NAB2: variants seen among roughly 807,000 people sequenced by gnomAD.
NAB2 encodes the protein NGFI-A-binding protein 2.
NAB2 carries 9 observed loss-of-function variants against 44.2 expected under a neutral mutation model. The observed-to-expected ratio is 0.20, with a 90% CI of 0.12 to 0.36. The LOEUF (loss-of-function observed/expected upper bound fraction) is 0.36. Among genes scored for constraint, NAB2 ranks in the 10% least tolerant of loss-of-function variants. NAB2 has a pLI of 1.00. For missense variants in NAB2, 514 were observed against 709.0 expected, an observed-to-expected ratio of 0.73 and a Z score of 3.12; for synonymous variants, 342 against 291.0, an observed-to-expected ratio of 1.18 and a Z score of -1.78.
At chr12:57,092,329 C>G in intron 2 of NAB2, 119 bp from the exon 3 acceptor site, 1 of 1,434,112 alleles carries the variant, frequency 7.0e-7, no homozygotes, top group African/African-American at 1.4e-5. Flanking sequence ...AGTGTCAAAA[C>G]CAAAGCAAGC....
intron 6 of NAB2, among the ~76,000 whole-genome samples, 167 bp downstream of exon 6, chr12:57,093,765 C>G (rs1186371089): frequency 1.3e-5 from 2 of 152,170 alleles, no homozygotes; most frequent in East Asian, 3.9e-4. Context: ...GAGAGGCAGA[C>G]CCTGCCGAGC....
Position 57,091,637 on chromosome 12 carries a change from G to T in NAB2, c.596G>T (p.Gly199Val). ...CCAGAGTCGGACGTTGGGGCAGGAG[G>T]AGAAGAGGAGGCTGGCTCGCCCCCC... ...STPESDVGAG[G>V]EEEAGSPPFS... The change falls in exon 2 of 7, where the codon GGA (glycine) becomes GTA (valine). Residue 199 changes from glycine to valine, a missense_variant. By Grantham distance (109) the Gly-to-Val change is moderately radical. This residue lies in a region of NAB2 where 177 missense variants were observed against 200.5 expected (regional missense o/e 0.88). Coordinates refer to ENST00000300131, the MANE Select transcript of NAB2 (RefSeq NM_005967.4). This position sits in a 1 kb window ranked among gnomAD's most constrained non-coding sequence, Gnocchi z 7.3. The T allele has an allele frequency of 6.2e-7, 1 of 1,607,086 alleles. No homozygotes were observed. The highest frequency in any genetic ancestry group is 8.5e-7 in the Non-Finnish European group (1 of 1,175,926).
intron 1 of NAB2, among the ~76,000 whole-genome samples, chr12:57,089,797 G>A (rs2033142398): frequency 6.6e-6 from 1 of 152,176 alleles, no homozygotes; most frequent in African/African-American, 2.4e-5. Flanking sequence ...GACGAGGGAG[G>A]CAGGGAGGCC....
chr12:57,093,218 T>C (rs376409922), intron 5 of NAB2, 23 bp downstream of exon 5: 164 of 1,571,768 alleles, frequency 1.0e-4, no homozygotes, highest in Non-Finnish European at 1.3e-4. Flanking sequence ...CAGAACACTT[T>C]TCTCTTCATT....
rs1371106131 is a variant in NAB2, at chr12:57,091,673, C to A, written c.632C>A (p.Pro211His). The change falls in exon 2 of 7, where the codon CCT (proline) becomes CAT (histidine). Residue 211 changes from proline to histidine, a missense_variant. Physicochemically the swap from Pro to His is moderately conservative, Grantham distance 77. This residue lies in a region of NAB2 where 177 missense variants were observed against 200.5 expected (regional missense o/e 0.88). Transcript: ENST00000300131. This position sits in a 1 kb window ranked among gnomAD's most constrained non-coding sequence, Gnocchi z 7.3. Reference protein sequence around the residue: ...EEAGSPPFSPPAGGGVPEGTG... With the variant: ...EEAGSPPFSPHAGGGVPEGTG... Reference sequence around the variant, plus strand: ...GCTGGCTCGCCCCCCTTCTCCCCCCCTGCAGGGGGAGGAGTCCCTGAGGGG... The same window carrying A: ...GCTGGCTCGCCCCCCTTCTCCCCCCATGCAGGGGGAGGAGTCCCTGAGGGG... 1.2e-6 allele frequency: 2 copies of A among 1,611,884 alleles called. No homozygotes were observed. Among genetic ancestry groups the A allele is most frequent in the Non-Finnish European group, 1.7e-6 (2 of 1,178,710 alleles).
chr12:57,091,125 G>C lies in NAB2; in HGVS notation c.84G>C (p.Lys28Asn). ...TCTCTCTTGTGCCCCTCCTTCTCAG[G>C]CCCAGTGCCCGAGCCATGGCACTGC... ...SARRTLQPRL[K>N]PSARAMALPR... Residue 28 changes from lysine to asparagine, a missense_variant and splice_region_variant, in exon 2 of 7, where the codon AAG becomes AAC. Around this residue, in one of 5 missense-constraint regions of NAB2, gnomAD observed 56 missense variants for 45.5 expected, o/e 1.23. Coordinates refer to ENST00000300131, the MANE Select transcript of NAB2 (RefSeq NM_005967.4). This position sits in a 1 kb window ranked among gnomAD's most constrained non-coding sequence, Gnocchi z 7.3. 1 of 1,512,562 alleles carries C rather than the reference G, an allele frequency of 6.6e-7. No individual in the cohort carries two copies. The highest frequency in any genetic ancestry group is 1.3e-5 in the South Asian group (1 of 75,104). The allele number at this position is 1,512,562 out of a possible 1,614,324, so 93.7% of individuals were successfully genotyped here. A position where few individuals can be genotyped will look rare whatever the true frequency, so the allele number is the denominator to read the frequency against.
intron 2 of NAB2, chr12:57,092,235 C>A: frequency 1.0e-6 from 1 of 1,002,102 alleles, no homozygotes; most frequent in South Asian, 1.7e-5. Context: ...ACTCAGGACC[C>A]CACAGGAGAG....
chr12:57,095,065 A>G lies in NAB2; in HGVS notation c.*344A>G, dbSNP rs956441344. On this transcript the variant is annotated 3_prime_UTR_variant, in exon 7 of 7. Coordinates refer to ENST00000300131, the MANE Select transcript of NAB2 (RefSeq NM_005967.4). ...GTGTGAGCAGTTGGACTCAGTTTGG[A>G]CAAGGGGGAAAGGGGGACTTCCCTG... The G allele has an allele frequency of 1.3e-5, 3 of 231,030 alleles. No individual in the cohort carries two copies. Among genetic ancestry groups the G allele is most frequent in the Non-Finnish European group, 2.5e-5 (3 of 117,696 alleles). The allele number at this position is 231,030 out of a possible 1,614,324, so 14.3% of individuals were successfully genotyped here.
Position 57,091,625 on chromosome 12 carries a change from T to C in NAB2, c.584T>C (p.Val195Ala), listed in dbSNP as rs754533258. Residue 195 changes from valine to alanine, a missense_variant, in exon 2 of 7, where the codon GTT becomes GCT. Val to Ala is a moderately conservative substitution (Grantham distance 64, BLOSUM62 0). Coordinates refer to ENST00000300131, the MANE Select transcript of NAB2 (RefSeq NM_005967.4). This position sits in a 1 kb window ranked among gnomAD's most constrained non-coding sequence, Gnocchi z 7.3. Reference protein sequence around the residue: ...WPGRSTPESDVGAGGEEEAGS... With the variant: ...WPGRSTPESDAGAGGEEEAGS... ...GGCCGGAGCACTCCAGAGTCGGACG[T>C]TGGGGCAGGAGGAGAAGAGGAGGCT... 1 of 1,604,524 alleles carries C rather than the reference T, an allele frequency of 6.2e-7. No homozygotes were observed. The highest frequency in any genetic ancestry group is 8.5e-7 in the Non-Finnish European group (1 of 1,174,470).
In NAB2 at chr12:57,091,452, G is replaced by A. The variant is rs775958013; in HGVS notation, c.411G>A (p.Arg137=). The part of the protein sequence containing the change: ...LFKISETAGT[R]KGSMSNGHGS... ...AGATCTCTGAGACTGCGGGTACCCG[G>A]AAAGGGAGCATGAGCAATGGGCATG... Residue 137 remains arginine, a synonymous_variant, in exon 2 of 7, where the codon CGG becomes CGA. Coordinates refer to ENST00000300131, the MANE Select transcript of NAB2 (RefSeq NM_005967.4). This position sits in a 1 kb window ranked among gnomAD's most constrained non-coding sequence, Gnocchi z 7.3. 2 of 1,614,192 alleles carry A rather than the reference G, an allele frequency of 1.2e-6. No individual in the cohort carries two copies. Among genetic ancestry groups the A allele is most frequent in the Non-Finnish European group, 1.7e-6 (2 of 1,180,034 alleles).
intron 3 of NAB2, 118 bp downstream of exon 3, chr12:57,092,699 T>C (rs2033217269): frequency 7.0e-7 from 1 of 1,426,646 alleles, no homozygotes; most frequent in Non-Finnish European, 9.5e-7. Flanking sequence ...GATGTCCTGC[T>C]TTTGGCCAAG....
intron 1 of NAB2, 73 bp downstream of exon 1, chr12:57,089,427 G>A: frequency 1.5e-6 from 2 of 1,358,900 alleles, no homozygotes; most frequent in Non-Finnish European, 2.0e-6. Flanking sequence ...TCCAGAGGGC[G>A]GAGGTCGAGG....
intron 1 of NAB2, 105 bp downstream of exon 1, chr12:57,089,459 C>T (rs1209143849): frequency 9.8e-6 from 1 of 101,990 alleles, no homozygotes; most frequent in Non-Finnish European, 1.9e-5. Flanking sequence ...GGAAGCAGGA[C>T]GGGGGTGGGG....
At chr12:57,090,192 C>CT (rs2033155776) in intron 1 of NAB2, among the ~76,000 whole-genome samples, 1 of 152,140 alleles carries the variant, frequency 6.6e-6, no homozygotes, top group Admixed American at 6.5e-5. Flanking sequence ...GTTAAGAATG[C>CT]TTAACCAGGC....
Position 57,089,249 on chromosome 12 carries a change from G to C in NAB2, c.-23G>C, listed in dbSNP as rs1370865089. The C allele has an allele frequency of 1.9e-6, 3 of 1,561,616 alleles. No homozygotes were observed. Among genetic ancestry groups the C allele is most frequent in the Non-Finnish European group, 1.7e-6 (2 of 1,153,264 alleles). ...CGAGCGCCGGGCACCGAGAAGGGCA[G>C]CCCGGGTGATCTCCGGCCGTCCATG... On this transcript the variant is annotated 5_prime_UTR_variant, in exon 1 of 7. Coordinates refer to ENST00000300131, the MANE Select transcript of NAB2 (RefSeq NM_005967.4).
Position 57,089,838 on chromosome 12 carries a change from A to T in NAB2, c.83+484A>T, listed in dbSNP as rs555819121. Reference sequence around the variant, plus strand: ...CGTTCCTTCCCATATCTGTCCCTTTATTCACAGAGCGGGGAGGGGAGTTTC... The same window carrying T: ...CGTTCCTTCCCATATCTGTCCCTTTTTTCACAGAGCGGGGAGGGGAGTTTC... On this transcript the variant is annotated intron_variant, in intron 1 of 6. Transcript: ENST00000300131. 2.0e-5 allele frequency among the ~76,000 whole-genome samples: 3 copies of T among 152,244 alleles called. No homozygotes were observed. The South Asian group carries it at 6.2e-4, about 32-fold the overall frequency.
At chr12:57,090,791 G>A (rs2033169210) in intron 1 of NAB2, among the ~76,000 whole-genome samples, 1 of 152,212 alleles carries the variant, frequency 6.6e-6, no homozygotes, top group Non-Finnish European at 1.5e-5. Context: ...ATCCCAGGTC[G>A]GTGCTGGTCA....
intron 1 of NAB2, among the ~76,000 whole-genome samples, chr12:57,090,311 C>T (rs922697544): frequency 6.6e-6 from 1 of 152,114 alleles, no homozygotes; most frequent in Non-Finnish European, 1.5e-5. Context: ...TGGTGAAACC[C>T]CGTTTCTACT....
In NAB2 at chr12:57,091,685, G is replaced by C. The variant is rs1162786827; in HGVS notation, c.644G>C (p.Gly215Ala). 6.2e-6 allele frequency: 10 copies of C among 1,612,736 alleles called. No individual in the cohort carries two copies. Among genetic ancestry groups the C allele is most frequent in the Non-Finnish European group, 8.5e-6 (10 of 1,179,306 alleles). The change falls in exon 2 of 7, where the codon GGA becomes GCA. Residue 215 changes from glycine (G) to alanine (A), a missense_variant. By Grantham distance (60) the Gly-to-Ala change is moderately conservative. This residue lies in a region of NAB2 where 177 missense variants were observed against 200.5 expected (regional missense o/e 0.88). Coordinates refer to ENST00000300131, the MANE Select transcript of NAB2 (RefSeq NM_005967.4). This position sits in a 1 kb window ranked among gnomAD's most constrained non-coding sequence, Gnocchi z 7.3. ...SPPFSPPAGG[G>A]VPEGTGAGGL... ...CCCTTCTCCCCCCCTGCAGGGGGAG[G>C]AGTCCCTGAGGGGACTGGGGCTGGG... is the stretch of plus-strand genomic sequence containing the variant.
Sources: allele counts gnomAD v4.1 joint callset (sites outside exome capture counted in the v4.1 genomes callset), GRCh38; gene constraint gnomAD v4.1.1; regional missense constraint gnomAD v4.1.1; non-coding constraint Gnocchi (gnomAD v3.1); transcripts MANE v1.5; gene names NCBI Gene and HGNC (gene_info 2026-07-23, HGNC 2026-07-21).